Variants in CUL1 observed in about 807,000 individuals in gnomAD.
The protein encoded by CUL1 is cullin-1.
A neutral mutation model predicts 118.0 loss-of-function variants in CUL1; 24 were observed. The ratio of observed to expected loss-of-function variants is 0.20; its 90% confidence interval spans 0.15 to 0.29. The LOEUF (loss-of-function observed/expected upper bound fraction) is 0.29. Among genes scored for constraint, CUL1 ranks in the 10% least tolerant of loss-of-function variants. CUL1 has a pLI of 1.00. For synonymous variants in CUL1, 332 were observed against 340.4 expected, an observed-to-expected ratio of 0.98 and a Z score of 0.27; for missense variants, 361 against 933.8, an observed-to-expected ratio of 0.39 and a Z score of 7.99.
chr7:148,705,210 G>C (rs983244051), intron 1 of CUL1, among the ~76,000 whole-genome samples: 1 of 152,074 alleles, frequency 6.6e-6, no homozygotes, highest in African/African-American at 2.4e-5. Context: ...ACTAGATTAG[G>C]TACTAATGAA....
upstream of CUL1, chr7:148,698,503 T>C (rs1391700726): frequency 6.6e-6 from 1 of 151,786 alleles, no homozygotes; most frequent in Non-Finnish European, 1.5e-5. Context: ...GGGTCGGGGA[T>C]GTCTCGGGTG....
intron 1 of CUL1, among the ~76,000 whole-genome samples, chr7:148,704,602 A>C (rs1354196413): frequency 6.6e-6 from 1 of 152,236 alleles, no homozygotes; most frequent in African/African-American, 2.4e-5. Context: ...TTCAGCATTT[A>C]GATCAATCTT....
intron 1 of CUL1, among the ~76,000 whole-genome samples, chr7:148,705,818 G>A (rs1019465516): frequency 2.0e-5 from 3 of 152,170 alleles, no homozygotes; most frequent in Non-Finnish European, 4.4e-5. Flanking sequence ...TTTGGTGTGG[G>A]GGATGGTGGA....
intron 9 of CUL1, among the ~76,000 whole-genome samples, chr7:148,777,930 G>A (rs1000800626): frequency 6.6e-6 from 1 of 151,386 alleles, no homozygotes; most frequent in African/African-American, 2.4e-5. Context: ...GGGTGTCATG[G>A]CATGCACCTG....
chr7:148,751,563 G>T (rs243484), intron 2 of CUL1, among the ~76,000 whole-genome samples: 36,667 of 141,834 alleles, frequency 0.26, 5,387 homozygotes, highest in South Asian at 0.37. Context: ...AACCTCTCTT[G>T]TCACTTTGTC....
chr7:148,777,450 G>A (rs970988109), intron 9 of CUL1, among the ~76,000 whole-genome samples: 2 of 152,148 alleles, frequency 1.3e-5, no homozygotes, highest in African/African-American at 4.8e-5. Context: ...AGTATATTCT[G>A]CTGTTGTTGG....
intron 9 of CUL1, among the ~76,000 whole-genome samples, chr7:148,769,739 A>G (rs1800146366): frequency 6.6e-6 from 1 of 152,204 alleles, no homozygotes; most frequent in Non-Finnish European, 1.5e-5. Flanking sequence ...GATTTAAAAT[A>G]AACATGATAG....
intron 1 of CUL1, among the ~76,000 whole-genome samples, chr7:148,708,121 T>G (rs1797944157): frequency 6.6e-6 from 1 of 152,250 alleles, no homozygotes; most frequent in East Asian, 1.9e-4. Flanking sequence ...TAGCTTTAAC[T>G]TGATCCTCTC....
chr7:148,795,241 C>G (rs566552814), intron 17 of CUL1, among the ~76,000 whole-genome samples: 1 of 152,254 alleles, frequency 6.6e-6, no homozygotes, highest in Admixed American at 6.5e-5. Flanking sequence ...AAATGATCCT[C>G]TCTCCTCAGC....
intron 2 of CUL1, among the ~76,000 whole-genome samples, chr7:148,743,785 G>A (rs757751456): frequency 7.2e-5 from 11 of 152,194 alleles, no homozygotes; most frequent in Middle Eastern, 6.8e-3. Context: ...AAAATTAGCC[G>A]GTCATGGTGG....
At chr7:148,721,339 C>T (rs1300477609) in intron 1 of CUL1, among the ~76,000 whole-genome samples, 2 of 152,120 alleles carry the variant, frequency 1.3e-5, no homozygotes, top group Non-Finnish European at 2.9e-5. Flanking sequence ...AATTGCCTGC[C>T]CCTCACCCTA....
chr7:148,722,005 T>G (rs1798413075), intron 1 of CUL1, among the ~76,000 whole-genome samples: 1 of 152,262 alleles, frequency 6.6e-6, no homozygotes, highest in Admixed American at 6.5e-5. Context: ...ACACTGCAAG[T>G]AAAAGCTTAA....
At chr7:148,774,496 AC>A (rs1800332320) in intron 9 of CUL1, among the ~76,000 whole-genome samples, 1 of 152,232 alleles carries the variant, frequency 6.6e-6, no homozygotes, top group Non-Finnish European at 1.5e-5. Context: ...TCTTGACTAT[AC>A]AATTGATTCC....
chr7:148,777,257 G>A (rs1325470719), intron 9 of CUL1, among the ~76,000 whole-genome samples: 1 of 152,180 alleles, frequency 6.6e-6, no homozygotes, highest in Admixed American at 6.6e-5. Context: ...GTGACAATGA[G>A]ATCAAAGATT....
chr7:148,759,814 A>G (rs902463528), intron 6 of CUL1, among the ~76,000 whole-genome samples, 176 bp downstream of exon 6: 2 of 152,208 alleles, frequency 1.3e-5, no homozygotes, highest in African/African-American at 4.8e-5. Flanking sequence ...TTTATCCATC[A>G]TAAAAGCTGT....
At chr7:148,794,059 T>G (rs575723117) in intron 17 of CUL1, among the ~76,000 whole-genome samples, 1 of 152,334 alleles carries the variant, frequency 6.6e-6, no homozygotes, top group East Asian at 1.9e-4. Context: ...GAGAAATGTT[T>G]GATCAAATTC....
intron 7 of CUL1, among the ~76,000 whole-genome samples, chr7:148,763,592 T>A (rs1018103438): frequency 6.6e-6 from 1 of 152,182 alleles, no homozygotes; most frequent in Non-Finnish European, 1.5e-5. Flanking sequence ...GAGGATTAAG[T>A]GAGCTTTAGT....
chr7:148,698,312 G>C (rs1585513791), upstream of CUL1: 1 of 152,572 alleles, frequency 6.6e-6, no homozygotes, highest in African/African-American at 2.4e-5. Flanking sequence ...ACAAGGGAGG[G>C]GCAGGGGACT....
intron 1 of CUL1, among the ~76,000 whole-genome samples, chr7:148,699,624 G>C (rs965335154): frequency 6.6e-6 from 1 of 152,164 alleles, no homozygotes. Flanking sequence ...CGGGTTCCCC[G>C]CCTGCATTGT....
Sources: allele counts gnomAD v4.1 joint callset (sites outside exome capture counted in the v4.1 genomes callset), GRCh38; gene constraint gnomAD v4.1.1; transcripts MANE v1.5; gene names NCBI Gene and HGNC (gene_info 2026-07-23, HGNC 2026-07-21).